Variants in CTNND2 observed in about 807,000 individuals in gnomAD.
CTNND2 encodes catenin delta 2.
A neutral mutation model predicts 144.4 loss-of-function variants in CTNND2; 22 were observed. That is an observed-to-expected ratio of 0.15 (90% CI 0.11 to 0.22). The LOEUF (loss-of-function observed/expected upper bound fraction) is 0.22, where lower values mean the gene tolerates loss of function less well. Among genes scored for constraint, CTNND2 ranks in the 10% least tolerant of loss-of-function variants. The pLI is 1.00. For missense variants in CTNND2, 1,353 were observed against 1,618.8 expected, an observed-to-expected ratio of 0.84 and a Z score of 2.82; for synonymous variants, 751 against 695.6, an observed-to-expected ratio of 1.08 and a Z score of -1.25.
At chr5:11,867,914 T>G (rs1190567896) in intron 1 of CTNND2, among the ~76,000 whole-genome samples, 1 of 151,010 alleles carries the variant, frequency 6.6e-6, no homozygotes, top group African/African-American at 2.4e-5. Flanking sequence ...TGCCTCACTG[T>G]TTTATGATCT....
chr5:11,501,037 T>C (rs1007173570), intron 3 of CTNND2, among the ~76,000 whole-genome samples: 7 of 152,258 alleles, frequency 4.6e-5, no homozygotes, highest in African/African-American at 1.4e-4. Flanking sequence ...TGTTTAACTT[T>C]TTGTGCATCT....
intron 9 of CTNND2, among the ~76,000 whole-genome samples, chr5:11,309,630 C>A (rs1021557155): frequency 6.6e-6 from 1 of 151,974 alleles, no homozygotes; most frequent in Non-Finnish European, 1.5e-5. Context: ...AGGACTTTTG[C>A]GTAAATACTG....
At chr5:11,660,938 T>C (rs1346107280) in intron 2 of CTNND2, among the ~76,000 whole-genome samples, 1 of 152,144 alleles carries the variant, frequency 6.6e-6, no homozygotes, top group Non-Finnish European at 1.5e-5. Flanking sequence ...TAAAGAAGAA[T>C]GTGAGAGTTG....
At chr5:11,641,583 TATAC>T (rs1483239113) in intron 2 of CTNND2, among the ~76,000 whole-genome samples, 1 of 140,376 alleles carries the variant, frequency 7.1e-6, no homozygotes, top group East Asian at 1.9e-4. Context: ...TGTGTATGTA[TATAC>T]ATATACGTGT....
rs375233756 is a variant in CTNND2, at chr5:11,850,412, C to T, written c.37+53405G>A. The stretch of plus-strand genomic sequence containing the variant: ...TAAAGTAGCTACTAACAATCAACTT[C>T]TCATTGATATAGAAAGTATGGACTT... On this transcript the variant is annotated intron_variant, in intron 1 of 21. Coordinates refer to ENST00000304623, the MANE Select transcript of CTNND2 (RefSeq NM_001332.4). Among the ~76,000 whole-genome samples the T allele has an allele frequency of 1.4e-4, 22 of 152,212 alleles. No individual in the cohort carries two copies. In the Middle Eastern group the frequency reaches 0.01, roughly 71 times the overall value.
intron 9 of CTNND2, among the ~76,000 whole-genome samples, chr5:11,286,250 A>G (rs1378706013): frequency 2.0e-5 from 3 of 152,178 alleles, no homozygotes; most frequent in African/African-American, 7.2e-5. Flanking sequence ...AAAAAAAAAG[A>G]GACATGCCAC....
intron 9 of CTNND2, among the ~76,000 whole-genome samples, chr5:11,262,761 C>CAAAAAAAAAAAAAA (rs11289676): frequency 3.5e-3 from 158 of 45,688 alleles, no homozygotes; most frequent in Non-Finnish European, 4.3e-3. Flanking sequence ...GACTCTGTCT[C>CAAAAAAAAAAAAAA]AAAAAAAAAA....
intron 2 of CTNND2, among the ~76,000 whole-genome samples, chr5:11,633,978 C>A (rs867273151): frequency 3.6e-4 from 54 of 152,098 alleles, no homozygotes; most frequent in African/African-American, 1.2e-3. Flanking sequence ...CTCATGACAT[C>A]TGTTTCTATT....
chr5:11,469,915 G>A (rs538653488), intron 3 of CTNND2, among the ~76,000 whole-genome samples: 17 of 152,052 alleles, frequency 1.1e-4, no homozygotes, highest in Admixed American at 5.2e-4. Context: ...TGTTGCCTTC[G>A]TTCAAGCCCT....
At chr5:11,550,395 G>A (rs908885489) in intron 3 of CTNND2, among the ~76,000 whole-genome samples, 1 of 152,210 alleles carries the variant, frequency 6.6e-6, no homozygotes. Context: ...TACCTTAAAT[G>A]AGACATGTCA....
intron 2 of CTNND2, among the ~76,000 whole-genome samples, chr5:11,632,604 G>A (rs556455156): frequency 6.6e-6 from 1 of 152,176 alleles, no homozygotes; most frequent in African/African-American, 2.4e-5. Flanking sequence ...CCCATATAAA[G>A]GAAAAACAAC....
At chr5:11,130,336 C>T (rs1229329680) in intron 12 of CTNND2, among the ~76,000 whole-genome samples, 2 of 152,166 alleles carry the variant, frequency 1.3e-5, no homozygotes, top group Non-Finnish European at 2.9e-5. Context: ...TTAAACACTG[C>T]ACCGTTTTAA....
intron 2 of CTNND2, among the ~76,000 whole-genome samples, chr5:11,614,583 G>T (rs1252070704): frequency 6.6e-6 from 1 of 152,236 alleles, no homozygotes; most frequent in Admixed American, 6.5e-5. Flanking sequence ...ACATGTACAA[G>T]GCTGTTCATG....
chr5:11,651,357 T>C (rs978135102), intron 2 of CTNND2, among the ~76,000 whole-genome samples: 2 of 152,154 alleles, frequency 1.3e-5, no homozygotes, highest in Non-Finnish European at 2.9e-5. Context: ...TTTCAGAAGA[T>C]GTATGAAAAT....
intron 1 of CTNND2, among the ~76,000 whole-genome samples, chr5:11,816,086 C>A (rs1282065233): frequency 6.6e-6 from 1 of 152,138 alleles, no homozygotes; most frequent in Non-Finnish European, 1.5e-5. Flanking sequence ...GGCAAGAGGC[C>A]CTGGTCCTGG....
intron 9 of CTNND2, among the ~76,000 whole-genome samples, chr5:11,306,820 T>C (rs2150042783): frequency 6.6e-6 from 1 of 152,344 alleles, no homozygotes; most frequent in Admixed American, 6.5e-5. Context: ...GAATGAAGTG[T>C]GATCTTAAAT....
At chr5:11,002,145 G>T (rs567073030) in intron 18 of CTNND2, among the ~76,000 whole-genome samples, 11 of 152,332 alleles carry the variant, frequency 7.2e-5, no homozygotes, top group Non-Finnish European at 1.3e-4. Context: ...TTTAGGGCTG[G>T]GTACAGCAGT....
At chr5:11,818,045 T>A (rs1163515712) in intron 1 of CTNND2, among the ~76,000 whole-genome samples, 8 of 148,912 alleles carry the variant, frequency 5.4e-5, no homozygotes, top group South Asian at 4.5e-4. Flanking sequence ...ACATTATATT[T>A]CTTTTCAGAG....
At chr5:11,415,637 T>G (rs1444638363) in intron 3 of CTNND2, among the ~76,000 whole-genome samples, 1 of 152,058 alleles carries the variant, frequency 6.6e-6, no homozygotes, top group African/African-American at 2.4e-5. Context: ...AAAATAATTT[T>G]TAAAAATTTG....
Sources: allele counts gnomAD v4.1 joint callset (sites outside exome capture counted in the v4.1 genomes callset), GRCh38; gene constraint gnomAD v4.1.1; transcripts MANE v1.5; gene names NCBI Gene and HGNC (gene_info 2026-07-23, HGNC 2026-07-21).